Variants in ARHGAP26 observed in about 807,000 individuals in gnomAD.
ARHGAP26 encodes the protein rho GTPase-activating protein 26.
In ARHGAP26, 38 loss-of-function variants were observed where a neutral mutation model predicts 104.8. That is an observed-to-expected ratio of 0.36 (90% CI 0.28 to 0.48). ARHGAP26 has a LOEUF of 0.48. Ranked by LOEUF, ARHGAP26 falls within the 20% of genes least tolerant of loss-of-function variation. The probability of loss-of-function intolerance (pLI) is 0.99; values close to 1 mark genes in which losing one functional copy is unlikely to be tolerated. For missense variants in ARHGAP26, 704 were observed against 947.9 expected (o/e 0.74, Z 3.38); for synonymous variants, 341 against 340.0 (o/e 1.00, Z -0.03).
intron 11 of ARHGAP26, among the ~76,000 whole-genome samples, chr5:142,981,103 A>AT (rs1288898748): frequency 5.9e-5 from 9 of 152,210 alleles, no homozygotes; most frequent in African/African-American, 2.2e-4. Flanking sequence ...GATTATGAAC[A>AT]TCAAAAGTCA....
chr5:142,932,518 G>A (rs183696121), intron 11 of ARHGAP26, among the ~76,000 whole-genome samples: 74 of 152,310 alleles, frequency 4.9e-4, no homozygotes, highest in Non-Finnish European at 8.7e-4. Flanking sequence ...CCTCAGCTGG[G>A]TGATGTAATC....
intron 22 of ARHGAP26, among the ~76,000 whole-genome samples, chr5:143,215,024 A>G (rs905060440): frequency 1.3e-5 from 2 of 152,236 alleles, no homozygotes; most frequent in African/African-American, 2.4e-5. Flanking sequence ...CTGCAGGTGC[A>G]GTGGGTCTGC....
chr5:142,907,432 T>A (rs996977837), intron 8 of ARHGAP26: 1 of 203,696 alleles, frequency 4.9e-6, no homozygotes, highest in Non-Finnish European at 1.0e-5. Context: ...AACCTTTACT[T>A]CCGTTGTATT....
chr5:142,810,447 A>G lies in ARHGAP26; in HGVS notation c.154+39532A>G, dbSNP rs527934147. 2.6e-5 allele frequency among the ~76,000 whole-genome samples: 4 copies of G among 152,102 alleles called. No individual in the cohort carries two copies. The South Asian group carries it at 8.3e-4, about 32-fold the overall frequency. On this transcript the variant is annotated intron_variant, in intron 1 of 22. Transcript: ENST00000645722. ...CTGTTGTTAACTTCATAATATTTTA[A>G]TGAACATGCCTTTTTGTGTCTGTTC...
intron 20 of ARHGAP26, among the ~76,000 whole-genome samples, chr5:143,200,807 A>G (rs1269917827): frequency 6.6e-6 from 1 of 152,232 alleles, no homozygotes; most frequent in Non-Finnish European, 1.5e-5. Flanking sequence ...CTCATCTTAT[A>G]GCAGCTCTAC....
chr5:142,862,022 A>G lies in ARHGAP26; in HGVS notation c.155-11378A>G, dbSNP rs535324594. On this transcript the variant is annotated intron_variant, in intron 1 of 22. Transcript: ENST00000645722. Reference sequence around the variant, plus strand: ...AGGTTCTGCCGTCTGTGACTTTCCGAATTCACAACTGTTGAATGCCAGTGA... The same window carrying G: ...AGGTTCTGCCGTCTGTGACTTTCCGGATTCACAACTGTTGAATGCCAGTGA... 2.1e-3 allele frequency among the ~76,000 whole-genome samples: 326 copies of G among 152,274 alleles called. 2 individuals carry two copies. Among genetic ancestry groups the G allele is most frequent in the African/African-American group, 7.4e-3 (307 of 41,550 alleles).
intron 1 of ARHGAP26, among the ~76,000 whole-genome samples, chr5:142,863,586 T>C (rs1178384669): frequency 6.6e-6 from 1 of 152,134 alleles, no homozygotes; most frequent in Non-Finnish European, 1.5e-5. Flanking sequence ...CCAATATATA[T>C]TGAGGTCCTG....
At chr5:142,773,020 T>G (rs1755554225) in intron 1 of ARHGAP26, among the ~76,000 whole-genome samples, 1 of 151,884 alleles carries the variant, frequency 6.6e-6, no homozygotes, top group South Asian at 2.1e-4. Context: ...GGTGTTCTGT[T>G]CTCTCTACGT....
intron 11 of ARHGAP26, among the ~76,000 whole-genome samples, chr5:142,999,904 A>G (rs1253401051): frequency 6.6e-6 from 1 of 152,210 alleles, no homozygotes; most frequent in Non-Finnish European, 1.5e-5. Flanking sequence ...GAATGTATAG[A>G]GAACCCATAA....
intron 11 of ARHGAP26, among the ~76,000 whole-genome samples, chr5:143,005,215 A>T (rs1319823552): frequency 6.6e-6 from 1 of 152,246 alleles, no homozygotes; most frequent in African/African-American, 2.4e-5. Flanking sequence ...AAAGGGCTCA[A>T]ATGATACCAT....
rs1599592574 is a variant in ARHGAP26, at chr5:143,224,244, G to C, written c.*1798G>C. On this transcript the variant is annotated 3_prime_UTR_variant, in exon 23 of 23. Coordinates refer to ENST00000645722, the MANE Select transcript of ARHGAP26 (RefSeq NM_001135608.3). ...TTGCTGAAGAAGTATGTTTAAGAGG[G>C]AGAGAGGGGAGGCAAAGCTGAAGAG... 4.3e-6 allele frequency: 1 copy of C among 231,960 alleles called. No individual in the cohort carries two copies. Among genetic ancestry groups the C allele is most frequent in the Non-Finnish European group, 8.5e-6 (1 of 116,966 alleles). 14.4% of individuals were successfully genotyped at this position (231,960 alleles called of 1,614,324 possible).
intron 1 of ARHGAP26, among the ~76,000 whole-genome samples, chr5:142,791,674 G>C (rs560026527): frequency 1.6e-4 from 25 of 152,220 alleles, no homozygotes. Flanking sequence ...TTTAAAAGGT[G>C]TTAAGTTGGC....
At chr5:142,787,309 G>T (rs1180053529) in intron 1 of ARHGAP26, among the ~76,000 whole-genome samples, 3 of 151,900 alleles carry the variant, frequency 2.0e-5, no homozygotes, top group Non-Finnish European at 4.4e-5. Context: ...TATATTTCAA[G>T]AAGGGAAATT....
At chr5:142,837,487 A>G (rs1769820203) in intron 1 of ARHGAP26, among the ~76,000 whole-genome samples, 1 of 152,058 alleles carries the variant, frequency 6.6e-6, no homozygotes, top group African/African-American at 2.4e-5. Context: ...CTCACGTCTC[A>G]CTTGAGCTTC....
chr5:142,975,655 G>C (rs915919162), intron 11 of ARHGAP26, among the ~76,000 whole-genome samples: 1 of 151,958 alleles, frequency 6.6e-6, no homozygotes, highest in Non-Finnish European at 1.5e-5. Context: ...TCTCCCAATC[G>C]ACAGTCAGTA....
At chr5:142,826,158 G>A (rs539416272) in intron 1 of ARHGAP26, among the ~76,000 whole-genome samples, 1 of 152,334 alleles carries the variant, frequency 6.6e-6, no homozygotes, top group South Asian at 2.1e-4. Flanking sequence ...GATATGATAT[G>A]TGATCAAATT....
chr5:142,916,380 A>AT (rs1220589428), intron 10 of ARHGAP26, among the ~76,000 whole-genome samples: 4 of 152,120 alleles, frequency 2.6e-5, no homozygotes, highest in African/African-American at 9.7e-5. Context: ...ACATCAACGT[A>AT]TTTTACTGTG....
chr5:143,024,226 C>T (rs1360400045), intron 12 of ARHGAP26, among the ~76,000 whole-genome samples: 1 of 152,100 alleles, frequency 6.6e-6, no homozygotes, highest in Non-Finnish European at 1.5e-5. Context: ...ACCCTGGCCC[C>T]CAAAGCTATG....
At chr5:143,009,886 C>G (rs1054844018) in intron 11 of ARHGAP26, among the ~76,000 whole-genome samples, 43 of 152,208 alleles carry the variant, frequency 2.8e-4, no homozygotes, top group African/African-American at 9.9e-4. Flanking sequence ...TGAGGAGCCA[C>G]AGATCAGGCA....
Sources: gnomAD v4.1 joint callset for allele counts (sites outside exome capture counted in the v4.1 genomes callset) on GRCh38, gnomAD v4.1.1 for gene constraint, MANE v1.5 for transcripts, NCBI Gene and HGNC (gene_info 2026-07-23, HGNC 2026-07-21) for gene names.